DGKB: variants seen among roughly 807,000 people sequenced by gnomAD.
DGKB encodes the protein diacylglycerol kinase beta, also known as 90 kDa diacylglycerol kinase.
Under a neutral mutation model 114.3 loss-of-function variants are expected in DGKB, and 67 were observed. The observed-to-expected ratio is 0.59, with a 90% CI of 0.48 to 0.72. The LOEUF is 0.72. Among genes scored for constraint, DGKB ranks in the 30% least tolerant of loss-of-function variants. The pLI is 0.00. For synonymous variants in DGKB, 398 were observed against 323.1 expected (o/e 1.23, Z -2.49); for missense variants, 907 against 975.2 (o/e 0.93, Z 0.93).
chr7:14,254,794 A>G (rs1391549477), intron 23 of DGKB, among the ~76,000 whole-genome samples: 1 of 152,162 alleles, frequency 6.6e-6, no homozygotes, highest in Non-Finnish European at 1.5e-5. Flanking sequence ...TAAAAGTAAA[A>G]TAAGAAATAA....
chr7:14,581,729 G>A (rs1273771387), intron 18 of DGKB, among the ~76,000 whole-genome samples: 1 of 152,078 alleles, frequency 6.6e-6, no homozygotes, highest in East Asian at 1.9e-4. Context: ...AGAGGGGATA[G>A]ATAATGTAGG....
intron 20 of DGKB, among the ~76,000 whole-genome samples, chr7:14,538,694 A>G (rs956023462): frequency 1.2e-4 from 19 of 152,218 alleles, no homozygotes; most frequent in African/African-American, 4.1e-4. Flanking sequence ...TGTTTATTGC[A>G]GCATTATTCA....
chr7:14,404,979 G>A (rs902281582), intron 21 of DGKB, among the ~76,000 whole-genome samples: 1 of 151,646 alleles, frequency 6.6e-6, no homozygotes, highest in Admixed American at 6.6e-5. Context: ...TAGTGCTACT[G>A]CTGAAAGCAT....
At chr7:14,944,652 T>C (rs1412253383) in intron 1 of DGKB, among the ~76,000 whole-genome samples, 1 of 151,782 alleles carries the variant, frequency 6.6e-6, no homozygotes, top group African/African-American at 2.4e-5. Flanking sequence ...TTATTTGGCA[T>C]TTCTGGAGAC....
chr7:14,883,378 G>A (rs1240491675), intron 1 of DGKB, among the ~76,000 whole-genome samples: 4 of 151,968 alleles, frequency 2.6e-5, no homozygotes, highest in Non-Finnish European at 4.4e-5. Context: ...CAGTGGTAAT[G>A]TTTGATTAAA....
At chr7:14,699,704 C>T (rs948544068) in intron 7 of DGKB, among the ~76,000 whole-genome samples, 21 of 151,772 alleles carry the variant, frequency 1.4e-4, no homozygotes, top group African/African-American at 4.8e-4. Flanking sequence ...AACCTGACAG[C>T]GAAGGAAAAA....
At chr7:14,907,389 G>C (rs987344524), upstream of DGKB, among the ~76,000 whole-genome samples, 1 of 152,112 alleles carries the variant, frequency 6.6e-6, no homozygotes, top group East Asian at 1.9e-4. Context: ...CATGATTTTG[G>C]GAAAATAATT....
chr7:14,822,747 G>A (rs1030192277), intron 2 of DGKB, among the ~76,000 whole-genome samples: 8 of 152,130 alleles, frequency 5.3e-5, no homozygotes, highest in Non-Finnish European at 1.0e-4. Context: ...TTTAGAGCTA[G>A]TGAGTTGATA....
chr7:14,586,308 A>C (rs577589929), intron 17 of DGKB, among the ~76,000 whole-genome samples: 1 of 152,240 alleles, frequency 6.6e-6, no homozygotes, highest in South Asian at 2.1e-4. Flanking sequence ...GAGCCACAAC[A>C]TTCCCTTAAG....
At chr7:14,456,262 A>C (rs533053450) in intron 21 of DGKB, among the ~76,000 whole-genome samples, 1 of 152,170 alleles carries the variant, frequency 6.6e-6, no homozygotes, top group South Asian at 2.1e-4. Context: ...AAAATATAAA[A>C]AAGTCTGAAA....
At chr7:14,812,052 G>A (rs78574663) in intron 2 of DGKB, among the ~76,000 whole-genome samples, 2,529 of 152,018 alleles carry the variant, frequency 0.017, 62 homozygotes, top group African/African-American at 0.058. Flanking sequence ...TTGTATTTTC[G>A]AGAACTGGCT....
chr7:14,453,524 C>A (rs985289163), intron 21 of DGKB, among the ~76,000 whole-genome samples: 1 of 152,058 alleles, frequency 6.6e-6, no homozygotes, highest in African/African-American at 2.4e-5. Flanking sequence ...AATAAGTCTC[C>A]TTAAGTTCCC....
intron 12 of DGKB, among the ~76,000 whole-genome samples, chr7:14,681,260 T>A (rs542484942): frequency 6.6e-6 from 1 of 152,204 alleles, no homozygotes; most frequent in East Asian, 1.9e-4. Context: ...AACCAAACAC[T>A]TTTAAAAAAC....
At chr7:14,418,392 T>TATATACAC (rs1554421158) in intron 21 of DGKB, among the ~76,000 whole-genome samples, 1 of 137,076 alleles carries the variant, frequency 7.3e-6, no homozygotes, top group Admixed American at 7.4e-5. Flanking sequence ...TATATATATA[T>TATATACAC]ACACACACAC....
intron 20 of DGKB, among the ~76,000 whole-genome samples, chr7:14,532,023 A>G (rs532308354): frequency 2.5e-4 from 38 of 151,458 alleles, no homozygotes; most frequent in African/African-American, 8.9e-4. Flanking sequence ...AAAAATTGCA[A>G]TGAATCCTAC....
At chr7:14,310,929 G>C (rs1416745026) in intron 23 of DGKB, among the ~76,000 whole-genome samples, 1 of 152,072 alleles carries the variant, frequency 6.6e-6, no homozygotes, top group Non-Finnish European at 1.5e-5. Flanking sequence ...AAGAGTTTGA[G>C]ACTAGCCTGG....
chr7:14,319,411 T>G (rs1027274518), intron 23 of DGKB, among the ~76,000 whole-genome samples: 2 of 152,142 alleles, frequency 1.3e-5, no homozygotes, highest in Non-Finnish European at 2.9e-5. Flanking sequence ...TCTTACTAAA[T>G]TTTTGTTTTT....
At chr7:14,188,901 A>C (rs1783883628) in intron 23 of DGKB, among the ~76,000 whole-genome samples, 1 of 152,116 alleles carries the variant, frequency 6.6e-6, no homozygotes, top group African/African-American at 2.4e-5. Context: ...TGAAAGAAAA[A>C]AAAGCTGTCA....
chr7:14,742,331 G>T (rs1297351004), intron 4 of DGKB, among the ~76,000 whole-genome samples: 1 of 152,098 alleles, frequency 6.6e-6, no homozygotes, highest in Non-Finnish European at 1.5e-5. Flanking sequence ...TTATATATGT[G>T]ATTTTTATAT....
Sources: gnomAD v4.1 joint callset for allele counts (sites outside exome capture counted in the v4.1 genomes callset) on GRCh38, gnomAD v4.1.1 for gene constraint, MANE v1.5 for transcripts, NCBI Gene and HGNC (gene_info 2026-07-23, HGNC 2026-07-21) for gene names.